Variants in TMEM51 observed in about 807,000 individuals in gnomAD.
TMEM51 encodes the protein transmembrane protein 51.
A neutral mutation model predicts 13.6 loss-of-function variants in TMEM51; 8 were observed. The ratio of observed to expected loss-of-function variants is 0.59; its 90% CI spans 0.35 to 1.07. The LOEUF (loss-of-function observed/expected upper bound fraction) is 1.07. Ranked by LOEUF, TMEM51 falls within the 50% of genes least tolerant of loss-of-function variation. TMEM51 has a pLI of 0.02. For missense variants in TMEM51, 279 were observed against 330.7 expected (o/e 0.84, Z 1.21); for synonymous variants, 147 against 144.4 (o/e 1.02, Z -0.13).
intron 1 of TMEM51, among the ~76,000 whole-genome samples, chr1:15,179,837 TTAAAA>T (rs1414190624): frequency 1.3e-5 from 2 of 152,088 alleles, no homozygotes; most frequent in Non-Finnish European, 2.9e-5. Flanking sequence ...CTAACCGCTG[TTAAAA>T]TAAGGCAGAA....
chr1:15,206,602 G>T (rs1573442275), intron 1 of TMEM51, among the ~76,000 whole-genome samples: 1 of 152,172 alleles, frequency 6.6e-6, no homozygotes, highest in Non-Finnish European at 1.5e-5. Flanking sequence ...CTCCAAGATG[G>T]TGGGGCAGAT....
intron 2 of TMEM51, among the ~76,000 whole-genome samples, chr1:15,214,334 A>G (rs185292769): frequency 6.6e-6 from 1 of 152,264 alleles, no homozygotes; most frequent in Admixed American, 6.5e-5. Flanking sequence ...AGGCAGGCTG[A>G]GACATGCAGT....
intron 1 of TMEM51, among the ~76,000 whole-genome samples, chr1:15,182,109 C>T (rs534828361): frequency 4.0e-5 from 6 of 151,740 alleles, no homozygotes; most frequent in South Asian, 2.1e-4. Flanking sequence ...TGCAGTTAGC[C>T]GAGATTGCGC....
At chr1:15,167,056 G>A (rs534181887) in intron 1 of TMEM51, among the ~76,000 whole-genome samples, 64 of 152,182 alleles carry the variant, frequency 4.2e-4, no homozygotes, top group Non-Finnish European at 7.9e-4. Context: ...GGCTGGGTGC[G>A]GTGGCTCACG....
intron 1 of TMEM51, chr1:15,191,758 A>C: frequency 3.6e-6 from 1 of 276,526 alleles, no homozygotes; most frequent in African/African-American, 2.4e-5. Context: ...TTTTTTTTTG[A>C]AGTTTGCAAA....
At chr1:15,217,627 G>A (rs1181226876) in intron 3 of TMEM51, among the ~76,000 whole-genome samples, 5 of 152,260 alleles carry the variant, frequency 3.3e-5, no homozygotes, top group South Asian at 2.1e-4. Context: ...GATTGAGAAC[G>A]AGGAGAGGTG....
chr1:15,190,376 T>C (rs908274084), intron 1 of TMEM51, among the ~76,000 whole-genome samples: 19 of 152,286 alleles, frequency 1.2e-4, no homozygotes, highest in Non-Finnish European at 2.1e-4. Flanking sequence ...AGATGCATCT[T>C]TTAAAAATGA....
At chr1:15,188,336 T>G (rs955814968) in intron 1 of TMEM51, among the ~76,000 whole-genome samples, 8 of 151,842 alleles carry the variant, frequency 5.3e-5, no homozygotes, top group Non-Finnish European at 8.8e-5. Flanking sequence ...TGGTGCTGAC[T>G]GGGCCACAGC....
intron 1 of TMEM51, chr1:15,191,756 TGAAGTTTGCAAATC>T: frequency 3.1e-6 from 1 of 322,616 alleles, no homozygotes; most frequent in Non-Finnish European, 6.2e-6. Flanking sequence ...TTTTTTTTTT[TGAAGTTTGCAAATC>T]TTTTTATTTC....
intron 1 of TMEM51, among the ~76,000 whole-genome samples, chr1:15,185,531 G>A (rs1226197216): frequency 1.3e-5 from 2 of 152,084 alleles, no homozygotes; most frequent in Non-Finnish European, 2.9e-5. Flanking sequence ...TCATTTACTG[G>A]GATATTAATT....
intron 1 of TMEM51, among the ~76,000 whole-genome samples, chr1:15,178,382 G>T (rs1439187558): frequency 1.3e-5 from 2 of 152,148 alleles, no homozygotes; most frequent in African/African-American, 4.8e-5. Flanking sequence ...CCAGGATGAG[G>T]ACTCTGAGGC....
chr1:15,168,504 C>G (rs1441064889), intron 1 of TMEM51: 1 of 1,304,378 alleles, frequency 7.7e-7, no homozygotes, highest in Non-Finnish European at 1.0e-6. Context: ...ATTATTGCCC[C>G]TTGGTTTTAT....
chr1:15,183,342 C>T lies in TMEM51; in HGVS notation c.-266-27148C>T, dbSNP rs180727301. Among the ~76,000 whole-genome samples, 12 of 152,284 alleles carry T rather than the reference C, an allele frequency of 7.9e-5. No individual in the cohort carries two copies. In the East Asian group the frequency reaches 1.9e-3, roughly 24 times the overall value. On this transcript the variant is annotated intron_variant, in intron 1 of 3. Coordinates refer to ENST00000376008, the MANE Select transcript of TMEM51 (RefSeq NM_001136218.2). ...ACTTGATTTACAAATAAGGCAGTATCGTGCAGAGGTAAAAGGTACAGTGAT... is the reference window on the plus strand; with the variant it reads ...ACTTGATTTACAAATAAGGCAGTATTGTGCAGAGGTAAAAGGTACAGTGAT...
At chr1:15,173,288 C>T (rs1356616458) in intron 1 of TMEM51, among the ~76,000 whole-genome samples, 1 of 147,768 alleles carries the variant, frequency 6.8e-6, no homozygotes, top group East Asian at 2.0e-4. Context: ...GGCGCAATCT[C>T]GGCTCACTAC....
intron 2 of TMEM51, 34 bp downstream of exon 2, chr1:15,210,596 T>A (rs1644323476): frequency 1.3e-5 from 2 of 152,228 alleles, no homozygotes; most frequent in African/African-American, 4.8e-5. Flanking sequence ...ATAATTTTTC[T>A]TTAAAAACTC....
chr1:15,164,703 T>G (rs1007181814), intron 1 of TMEM51, among the ~76,000 whole-genome samples: 1 of 152,032 alleles, frequency 6.6e-6, no homozygotes, highest in African/African-American at 2.4e-5. Flanking sequence ...ATTTAAAAAC[T>G]TTGATATATC....
intron 1 of TMEM51, among the ~76,000 whole-genome samples, chr1:15,186,377 A>T (rs529056064): frequency 6.6e-6 from 1 of 152,292 alleles, no homozygotes; most frequent in Admixed American, 6.5e-5. Flanking sequence ...ATAACAGTCT[A>T]CCCCAGAATG....
Position 15,163,356 on chromosome 1 carries a change from G to A in TMEM51, c.-267+9402G>A, listed in dbSNP as rs957596958. On this transcript the variant is annotated intron_variant, in intron 1 of 3. Coordinates refer to ENST00000376008, the MANE Select transcript of TMEM51 (RefSeq NM_001136218.2). ...TTTAACTTTCAACACTATAAAGCCC[G>A]GACTTCTTAGAGTCAGCCTCTGTTA... is the stretch of plus-strand genomic sequence containing the variant. 5.3e-5 allele frequency among the ~76,000 whole-genome samples: 8 copies of A among 151,898 alleles called. 1 individual carries two copies. Among genetic ancestry groups the A allele is most frequent in the South Asian group, 4.1e-4 (2 of 4,826 alleles).
intron 1 of TMEM51, among the ~76,000 whole-genome samples, chr1:15,179,094 A>C (rs1173227917): frequency 6.6e-6 from 1 of 152,140 alleles, no homozygotes; most frequent in Admixed American, 6.5e-5. Context: ...GGGGCTTGGC[A>C]TCTGGACATG....
Sources: allele counts gnomAD v4.1 joint callset (sites outside exome capture counted in the v4.1 genomes callset), GRCh38; gene constraint gnomAD v4.1.1; transcripts MANE v1.5; gene names NCBI Gene and HGNC (gene_info 2026-07-23, HGNC 2026-07-21).